CCNJL: variants seen among roughly 807,000 people sequenced by gnomAD.
The protein encoded by CCNJL is cyclin J like.
Under a neutral mutation model 33.4 loss-of-function variants are expected in CCNJL, and 33 were observed. That is an observed-to-expected ratio of 0.99 (90% CI 0.75 to 1.32). The LOEUF (loss-of-function observed/expected upper bound fraction) is 1.32. Ranked by LOEUF, CCNJL falls within the 40% of genes most tolerant of loss-of-function variation. The pLI is 0.00. For synonymous variants in CCNJL, 227 were observed against 220.9 expected (o/e 1.03, Z -0.24); for missense variants, 512 against 499.7 (o/e 1.02, Z -0.23).
At chr5:160,295,837 T>C (rs1304168912) in intron 2 of CCNJL, among the ~76,000 whole-genome samples, 2 of 152,222 alleles carry the variant, frequency 1.3e-5, no homozygotes, top group Non-Finnish European at 2.9e-5. Context: ...TCCACAACTG[T>C]GAGAGAATAA....
Position 160,249,609 on chromosome 5 carries a change from CA to C in CCNJL, c.*3768del, listed in dbSNP as rs892170798. On this transcript the variant is annotated 3_prime_UTR_variant, in exon 6 of 6. Transcript: ENST00000257536. ...GAAACCTCATCTCTACAAAAAATACCAAAATTAGCTGGGTATGGTGACAGGT... is the reference window on the plus strand; with the variant it reads ...GAAACCTCATCTCTACAAAAAATACCAAATTAGCTGGGTATGGTGACAGGT... 1.3e-5 allele frequency: 2 copies of C among 151,574 alleles called. No individual in the cohort carries two copies. Among genetic ancestry groups the C allele is most frequent in the African/African-American group, 4.8e-5 (2 of 41,254 alleles). 9.4% of individuals were successfully genotyped at this position (151,574 alleles called of 1,614,324 possible). A position where few individuals can be genotyped will look rare whatever the true frequency, so the allele number is the denominator to read the frequency against.
At chr5:160,263,196 T>C (rs1761422184) in intron 3 of CCNJL, among the ~76,000 whole-genome samples, 1 of 152,180 alleles carries the variant, frequency 6.6e-6, no homozygotes, top group Non-Finnish European at 1.5e-5. Flanking sequence ...AGACCATTTC[T>C]AGTCAAGTTG....
At chr5:160,259,916 C>T (rs759016234) in intron 3 of CCNJL, 145 bp from the exon 4 acceptor site, 29 of 665,556 alleles carry the variant, frequency 4.4e-5, no homozygotes, top group Non-Finnish European at 7.2e-5. Context: ...TAGGAGCACA[C>T]ATTCCAGATC....
intron 2 of CCNJL, among the ~76,000 whole-genome samples, chr5:160,310,646 C>A (rs1561808269): frequency 6.6e-6 from 1 of 152,120 alleles, no homozygotes; most frequent in Non-Finnish European, 1.5e-5. Context: ...CAGAATGTGA[C>A]CTTACTTGGA....
intron 1 of CCNJL, among the ~76,000 whole-genome samples, chr5:160,328,642 C>A (rs1435011751): frequency 6.7e-6 from 1 of 149,964 alleles, no homozygotes; most frequent in Non-Finnish European, 1.5e-5. Flanking sequence ...AATCCCAGCT[C>A]TTTGGGATCA....
At chr5:160,307,898 G>A (rs1763143600) in intron 2 of CCNJL, among the ~76,000 whole-genome samples, 1 of 152,196 alleles carries the variant, frequency 6.6e-6, no homozygotes, top group South Asian at 2.1e-4. Context: ...ATTTGGGCTG[G>A]AGGAGGGTTC....
intron 3 of CCNJL, among the ~76,000 whole-genome samples, chr5:160,275,142 T>C (rs2113324912): frequency 6.7e-6 from 1 of 150,080 alleles, no homozygotes; most frequent in East Asian, 2.0e-4. Context: ...TGGGGTGCAG[T>C]GGTGCAATCT....
At chr5:160,273,153 C>G (rs944914093) in intron 3 of CCNJL, among the ~76,000 whole-genome samples, 2 of 152,196 alleles carry the variant, frequency 1.3e-5, no homozygotes, top group African/African-American at 4.8e-5. Flanking sequence ...ATTGTGAACA[C>G]TGAATTAGTG....
At chr5:160,255,080 T>G (rs1760992646) in intron 5 of CCNJL, 1 of 152,292 alleles carries the variant, frequency 6.6e-6, no homozygotes, top group Admixed American at 6.6e-5. Flanking sequence ...TTTGGGAAGC[T>G]GAGGTGGGTG....
At chr5:160,312,780 C>T (rs931411609), upstream of CCNJL, 2 of 152,182 alleles carry the variant, frequency 1.3e-5, no homozygotes, top group African/African-American at 4.8e-5. Context: ...CTGGGCACCC[C>T]TCCGGCTTGC....
chr5:160,295,568 G>A (rs974430458), intron 2 of CCNJL, among the ~76,000 whole-genome samples: 4 of 152,148 alleles, frequency 2.6e-5, no homozygotes, highest in East Asian at 1.9e-4. Flanking sequence ...CAGGATAGGC[G>A]CTAATCAGTG....
intron 2 of CCNJL, among the ~76,000 whole-genome samples, chr5:160,281,685 C>G (rs758645318): frequency 2.0e-5 from 3 of 152,170 alleles, no homozygotes; most frequent in Admixed American, 6.5e-5. Flanking sequence ...GAGTCTCCCC[C>G]TCTTACCCAG....
At chr5:160,275,377 T>A (rs1016590802) in intron 3 of CCNJL, among the ~76,000 whole-genome samples, 1 of 152,160 alleles carries the variant, frequency 6.6e-6, no homozygotes, top group Non-Finnish European at 1.5e-5. Flanking sequence ...TGAGTCACCG[T>A]GCCCGGCTGA....
chr5:160,254,380 G>C, intron 5 of CCNJL: 3 of 643,220 alleles, frequency 4.7e-6, no homozygotes, highest in South Asian at 1.8e-5. Context: ...TTCCCATATA[G>C]CTTTTTGGGA....
At chr5:160,281,615 G>A (rs1005098096) in intron 2 of CCNJL, among the ~76,000 whole-genome samples, 14 of 151,960 alleles carry the variant, frequency 9.2e-5, no homozygotes, top group South Asian at 2.1e-4. Context: ...CATATTTACC[G>A]TTCAATCAAA....
At position 160,249,565 on chromosome 5, in the gene CCNJL, C is replaced by CAG. The variant is rs1760751145; in HGVS notation, c.*3812_*3813insCT. On this transcript the variant is annotated 3_prime_UTR_variant, in exon 6 of 6. Transcript: ENST00000257536. The stretch of plus-strand genomic sequence containing the variant: ...ATTGCTTGAGCTCAGGAGTCTGAGA[C>CAG]CAGCCTGGACAACATGGTGAAACCT... The CAG allele has an allele frequency of 6.6e-6, 1 of 152,066 alleles. No homozygotes were observed. The highest frequency in any genetic ancestry group is 1.5e-5 in the Non-Finnish European group (1 of 68,018). The allele number at this position is 152,066 out of a possible 1,614,324, so 9.4% of individuals were successfully genotyped here. A position where few individuals can be genotyped will look rare whatever the true frequency, so the allele number is the denominator to read the frequency against.
At position 160,251,819 on chromosome 5, in the gene CCNJL, A is replaced by G. The variant is rs1224365394; in HGVS notation, c.*1559T>C. ...AGAACGGAGGTTGGCAAAGGAAAAAAAAACAACAACAAATGAACGTGCAGC... is the reference window on the plus strand; with the variant it reads ...AGAACGGAGGTTGGCAAAGGAAAAAGAAACAACAACAAATGAACGTGCAGC... On this transcript the variant is annotated 3_prime_UTR_variant, in exon 6 of 6. Coordinates refer to ENST00000257536, the MANE Select transcript of CCNJL (RefSeq NM_001308173.3). The G allele has an allele frequency of 6.6e-6, 1 of 152,184 alleles. No homozygotes were observed. The highest frequency in any genetic ancestry group is 1.5e-5 in the Non-Finnish European group (1 of 68,040). 9.4% of individuals were successfully genotyped at this position (152,184 alleles called of 1,614,324 possible). A position where few individuals can be genotyped will look rare whatever the true frequency, so the allele number is the denominator to read the frequency against.
intron 2 of CCNJL, among the ~76,000 whole-genome samples, chr5:160,289,677 A>T (rs571114924): frequency 6.6e-6 from 1 of 152,274 alleles, no homozygotes; most frequent in South Asian, 2.1e-4. Flanking sequence ...CCAAGGACTC[A>T]TGAATCACAG....
At chr5:160,337,003 C>CTTTTTTT (rs35461944) in intron 1 of CCNJL, among the ~76,000 whole-genome samples, 9 of 95,072 alleles carry the variant, frequency 9.5e-5, no homozygotes, top group South Asian at 4.1e-4. Flanking sequence ...CTTTTTCTTT[C>CTTTTTTT]TTTTTTTTTT....
Sources: allele counts gnomAD v4.1 joint callset (sites outside exome capture counted in the v4.1 genomes callset), GRCh38; gene constraint gnomAD v4.1.1; transcripts MANE v1.5; gene names NCBI Gene and HGNC (gene_info 2026-07-23, HGNC 2026-07-21).